Variants in AMBRA1 observed in about 807,000 individuals in gnomAD.
AMBRA1 encodes activating molecule in BECN1-regulated autophagy protein 1.
Under a neutral mutation model 125.4 loss-of-function variants are expected in AMBRA1, and 47 were observed. The observed-to-expected ratio is 0.37, with a 90% CI of 0.30 to 0.48. The LOEUF (loss-of-function observed/expected upper bound fraction) is 0.48, where lower values mean the gene tolerates loss of function less well. Among genes scored for constraint, AMBRA1 ranks in the 20% least tolerant of loss-of-function variants. The pLI is 0.99. For missense variants in AMBRA1, 1,331 were observed against 1,693.4 expected, an observed-to-expected ratio of 0.79 and a Z score of 3.76; for synonymous variants, 626 against 655.5, an observed-to-expected ratio of 0.95 and a Z score of 0.69.
In AMBRA1 at chr11:46,494,063, T is replaced by C. The variant is rs528504287; in HGVS notation, c.2420+61A>G. On this transcript the variant is annotated intron_variant, in intron 10 of 17. Coordinates refer to ENST00000683756, the MANE Select transcript of AMBRA1 (RefSeq NM_001387011.1). ...ACAATTCAAAGACCAGAAAGTAGGTTTAAAACTAAATCCTAGGCTCTAACG... is the reference window on the plus strand; with the variant it reads ...ACAATTCAAAGACCAGAAAGTAGGTCTAAAACTAAATCCTAGGCTCTAACG... 37 of 1,485,778 alleles carry C rather than the reference T, an allele frequency of 2.5e-5. No homozygotes were observed. The South Asian group carries it at 4.3e-4, about 17-fold the overall frequency. 92.0% of individuals were successfully genotyped at this position (1,485,778 alleles called of 1,614,324 possible). A position where few individuals can be genotyped will look rare whatever the true frequency, so the allele number is the denominator to read the frequency against.
At chr11:46,481,893 G>A (rs1415847255) in intron 11 of AMBRA1, among the ~76,000 whole-genome samples, 1 of 152,204 alleles carries the variant, frequency 6.6e-6, no homozygotes, top group Non-Finnish European at 1.5e-5. Context: ...AATGCTGCTG[G>A]TGATTAATAT....
intron 9 of AMBRA1, among the ~76,000 whole-genome samples, chr11:46,503,060 CAAAAAAAAAAAA>C (rs35217088): frequency 3.5e-4 from 11 of 31,018 alleles, no homozygotes; most frequent in Non-Finnish European, 5.8e-4. Context: ...GACTCTGTCT[CAAAAAAAAAAAA>C]AAAAAAAAAA....
chr11:46,592,957 T>C (rs567211735), intron 1 of AMBRA1, among the ~76,000 whole-genome samples: 2 of 151,708 alleles, frequency 1.3e-5, no homozygotes, highest in African/African-American at 4.8e-5. Context: ...CAGGAAACAA[T>C]GTAGACAACA....
intron 11 of AMBRA1, among the ~76,000 whole-genome samples, chr11:46,453,821 C>G (rs1339217746): frequency 1.3e-5 from 2 of 152,204 alleles, no homozygotes; most frequent in East Asian, 3.8e-4. Flanking sequence ...AGTTTAATAA[C>G]TACTCTACCA....
intron 9 of AMBRA1, among the ~76,000 whole-genome samples, chr11:46,503,077 AAAAAAAAAAAATG>A (rs1404050922): frequency 6.6e-6 from 1 of 151,662 alleles, no homozygotes; most frequent in Non-Finnish European, 1.5e-5. Flanking sequence ...AAAAAAAAAA[AAAAAAAAAAAATG>A]AATTTTTGCT....
At chr11:46,426,052 C>A (rs1490897122) in intron 14 of AMBRA1, among the ~76,000 whole-genome samples, 5 of 146,320 alleles carry the variant, frequency 3.4e-5, no homozygotes, top group African/African-American at 1.0e-4. Flanking sequence ...GAGGCTGAGG[C>A]GAGACTCCAT....
intron 1 of AMBRA1, among the ~76,000 whole-genome samples, chr11:46,568,772 C>T (rs1296758842): frequency 1.1e-5 from 1 of 92,424 alleles, no homozygotes; most frequent in Non-Finnish European, 2.1e-5. Context: ...AACTCCATCT[C>T]AAAAAAAAAA....
chr11:46,523,727 C>G (rs1280797115), intron 7 of AMBRA1, among the ~76,000 whole-genome samples: 5 of 152,044 alleles, frequency 3.3e-5, no homozygotes, highest in African/African-American at 1.2e-4. Context: ...AGACAAAAGA[C>G]AAAAGATAAG....
At chr11:46,453,869 G>A (rs1282839983) in intron 11 of AMBRA1, among the ~76,000 whole-genome samples, 2 of 152,134 alleles carry the variant, frequency 1.3e-5, no homozygotes, top group African/African-American at 2.4e-5. Context: ...CATTAAACAA[G>A]TTTGCAATAT....
chr11:46,426,246 CAT>C (rs1947128298), intron 14 of AMBRA1, among the ~76,000 whole-genome samples: 1 of 152,072 alleles, frequency 6.6e-6, no homozygotes, highest in Non-Finnish European at 1.5e-5. Flanking sequence ...ACCCAGGGCA[CAT>C]GAGATTTCAA....
In AMBRA1 at chr11:46,434,914, C is replaced by A. The variant is rs2136714390; in HGVS notation, c.2756G>T (p.Gly919Val). 2 of 1,614,088 alleles carry A rather than the reference C, an allele frequency of 1.2e-6. No homozygotes were observed. The highest frequency in any genetic ancestry group is 8.5e-7 in the Non-Finnish European group (1 of 1,179,982). Reference sequence around the variant, plus strand: ...GGCCAGGGAGTACACTGCCAGGATGCCTTCATCAGGAAAGCCCCTCTGGCT... The same window carrying A: ...GGCCAGGGAGTACACTGCCAGGATGACTTCATCAGGAAAGCCCCTCTGGCT... ...PSSQRGFPDEGILAVYSLAPH... is the reference protein window; with the variant it reads ...PSSQRGFPDEVILAVYSLAPH... Residue 919 changes from glycine to valine, a missense_variant, in exon 13 of 18, where the codon GGC (glycine) becomes GTC (valine). By Grantham distance (109) the Gly-to-Val change is moderately radical (BLOSUM62 -3). Transcript: ENST00000683756.
chr11:46,518,456 A>G (rs1254033909), intron 7 of AMBRA1: 5 of 151,268 alleles, frequency 3.3e-5, no homozygotes, highest in African/African-American at 1.0e-4. Flanking sequence ...AAAAAAAAAG[A>G]ATTACTCACT....
intron 12 of AMBRA1, among the ~76,000 whole-genome samples, chr11:46,442,885 C>G (rs937254037): frequency 7.2e-5 from 11 of 152,132 alleles, no homozygotes; most frequent in African/African-American, 2.7e-4. Flanking sequence ...TCATGCCTAG[C>G]TAGTTTTTGT....
intron 17 of AMBRA1, among the ~76,000 whole-genome samples, chr11:46,408,113 G>A (rs1383767764): frequency 1.3e-5 from 2 of 152,150 alleles, no homozygotes; most frequent in Non-Finnish European, 2.9e-5. Flanking sequence ...CCTCCCATGG[G>A]GCAGTCCCAA....
At chr11:46,466,432 T>C (rs1304173836) in intron 11 of AMBRA1, among the ~76,000 whole-genome samples, 2 of 151,746 alleles carry the variant, frequency 1.3e-5, no homozygotes, top group African/African-American at 2.4e-5. Context: ...TGGGCACCAA[T>C]GGCTACCTGA....
rs769228239 is a variant in AMBRA1, at chr11:46,542,553, G to A, written c.1464C>T (p.Ser488=). 5 of 1,613,150 alleles carry A rather than the reference G, an allele frequency of 3.1e-6. No homozygotes were observed. Among genetic ancestry groups the A allele is most frequent in the Admixed American group, 1.7e-5 (1 of 60,014 alleles). The change falls in exon 7 of 18, where the codon AGC becomes AGT. Residue 488 remains serine (S), a synonymous_variant. Coordinates refer to ENST00000683756, the MANE Select transcript of AMBRA1 (RefSeq NM_001387011.1). The surrounding 1 kb of genome is among the most constrained non-coding windows in gnomAD (Gnocchi z 5.9). ...GGCGAATGCTGCCCGAGTTGTTTTG[G>A]CTGGAGCCATTCCCTCCATCTGACT... ...ATESDGGNGS[S]QNNSGSIRHE... is the part of the protein sequence containing the mutation.
intron 1 of AMBRA1, among the ~76,000 whole-genome samples, chr11:46,560,869 G>C (rs763000447): frequency 6.6e-6 from 1 of 152,110 alleles, no homozygotes; most frequent in South Asian, 2.1e-4. Context: ...CCCCAGAAAC[G>C]GAAACTGAAA....
At chr11:46,552,539 G>C (rs2043037737) in intron 1 of AMBRA1, among the ~76,000 whole-genome samples, 1 of 151,770 alleles carries the variant, frequency 6.6e-6, no homozygotes, top group African/African-American at 2.4e-5. Flanking sequence ...ACAAAAGTTA[G>C]CTAGGCGTGA....
rs111482052 is a variant in AMBRA1, at chr11:46,577,776, C to T, written c.-121+16052G>A. 2.2e-3 allele frequency among the ~76,000 whole-genome samples: 331 copies of T among 152,026 alleles called. 2 individuals are homozygous for T. Among genetic ancestry groups the T allele is most frequent in the Middle Eastern group, 6.8e-3 (2 of 294 alleles). ...GACCAGCCTGACCAATATGGAGAAA[C>T]CCTGTCTCTACTAAAAGTACAAAAT... On this transcript the variant is annotated intron_variant, in intron 1 of 17. Coordinates refer to ENST00000683756, the MANE Select transcript of AMBRA1 (RefSeq NM_001387011.1).
Sources: allele counts gnomAD v4.1 joint callset (sites outside exome capture counted in the v4.1 genomes callset), GRCh38; gene constraint gnomAD v4.1.1; non-coding constraint Gnocchi (gnomAD v3.1); transcripts MANE v1.5; gene names NCBI Gene and HGNC (gene_info 2026-07-23, HGNC 2026-07-21).